Variants in MOSPD2 observed in about 807,000 individuals in gnomAD.
MOSPD2 encodes motile sperm domain containing 2.
A neutral mutation model predicts 41.7 loss-of-function variants in MOSPD2; 5 were observed. The ratio of observed to expected loss-of-function variants is 0.12; its 90% CI spans 0.06 to 0.25. The LOEUF (loss-of-function observed/expected upper bound fraction) is 0.25. Among genes scored for constraint, MOSPD2 ranks in the 10% least tolerant of loss-of-function variants. MOSPD2 has a pLI of 1.00. For missense variants in MOSPD2, 282 were observed against 375.2 expected (o/e 0.75, Z 2.05); for synonymous variants, 115 against 126.9 (o/e 0.91, Z 0.63).
intron 3 of MOSPD2, 73 bp downstream of exon 3, chrX:14,892,951 T>G (rs2092556662): frequency 1.3e-6 from 1 of 769,905 alleles, no homozygotes; most frequent in East Asian, 3.2e-5. Flanking sequence ...TATCTAATCA[T>G]GTATTTGCAC....
chrX:14,905,929 T>C (rs1282705361), intron 7 of MOSPD2, among the ~76,000 whole-genome samples: 2 of 111,756 alleles, frequency 1.8e-5, no homozygotes, highest in African/African-American at 6.5e-5. Flanking sequence ...ATATTTTCAA[T>C]TGTGGTTGGT....
At chrX:14,887,705 A>T (rs1367193154) in intron 2 of MOSPD2, among the ~76,000 whole-genome samples, 1 of 111,943 alleles carries the variant, frequency 8.9e-6, no homozygotes, top group East Asian at 2.8e-4. Context: ...TTTTTAAAAA[A>T]TTTTATTTTT....
intron 2 of MOSPD2, among the ~76,000 whole-genome samples, chrX:14,880,756 A>G (rs1488390788): frequency 8.9e-6 from 1 of 112,152 alleles, no homozygotes; most frequent in Non-Finnish European, 1.9e-5. Flanking sequence ...ATATTTGATG[A>G]CATTTTGATT....
rs139054557 is a variant in MOSPD2 at position 14,880,381 on chromosome X, A to G, written c.79+6623A>G. Among the ~76,000 whole-genome samples, 867 of 111,473 alleles carry G rather than the reference A, an allele frequency of 7.8e-3. 12 individuals carry two copies. The highest frequency in any genetic ancestry group is 0.026 in the African/African-American group (802 of 30,750). On this transcript the variant is annotated intron_variant, in intron 2 of 14. Transcript: ENST00000380492. Reference sequence around the variant, plus strand: ...GAATTTACTCTTATAAATTCTGATAATTTACCTGGGATTTTTTTATGTACA... The same window carrying G: ...GAATTTACTCTTATAAATTCTGATAGTTTACCTGGGATTTTTTTATGTACA...
At chrX:14,886,801 A>G (rs978849304) in intron 2 of MOSPD2, among the ~76,000 whole-genome samples, 1 of 111,452 alleles carries the variant, frequency 9.0e-6, no homozygotes, top group Non-Finnish European at 1.9e-5. Context: ...CAGTAATTTC[A>G]GTTTTAATAA....
In MOSPD2 at chrX:14,905,983, C is replaced by T. The variant is rs754802273; in HGVS notation, c.578-2877C>T. Among the ~76,000 whole-genome samples, 13 of 111,228 alleles carry T rather than the reference C, an allele frequency of 1.2e-4. No homozygotes were observed. The South Asian group carries it at 4.5e-3, about 39-fold the overall frequency. On this transcript the variant is annotated intron_variant, in intron 7 of 14. Coordinates refer to ENST00000380492, the MANE Select transcript of MOSPD2 (RefSeq NM_152581.4). Reference sequence around the variant, plus strand: ...TGTGAAACCTGTGGATATGGAGGGCCGACTGTATTGTTAAGAGGTCAACAC... The same window carrying T: ...TGTGAAACCTGTGGATATGGAGGGCTGACTGTATTGTTAAGAGGTCAACAC...
intron 2 of MOSPD2, among the ~76,000 whole-genome samples, chrX:14,883,612 A>G (rs181436788): frequency 2.7e-5 from 3 of 112,292 alleles, no homozygotes; most frequent in Non-Finnish European, 5.6e-5. Flanking sequence ...GATTTGCAGA[A>G]GCTTTTCTTT....
chrX:14,907,019 T>G (rs772095819), intron 7 of MOSPD2, among the ~76,000 whole-genome samples: 5 of 111,664 alleles, frequency 4.5e-5, no homozygotes, highest in Non-Finnish European at 7.5e-5. Flanking sequence ...AGTGAAACTC[T>G]GTCTCAAAAA....
Position 14,899,565 on chromosome X carries a change from TACACACACACACACAC to T in MOSPD2, c.478-984_478-969del, listed in dbSNP as rs59555716. 7.3e-4 allele frequency among the ~76,000 whole-genome samples: 59 copies of T among 81,051 alleles called. 2 individuals carry two copies. Among genetic ancestry groups the T allele is most frequent in the Admixed American group, 7.1e-3 (48 of 6,772 alleles). The allele number at this position is 81,051 out of a possible 115,157, so 70.4% of individuals were successfully genotyped here. A position where few individuals can be genotyped will look rare whatever the true frequency, so the allele number is the denominator to read the frequency against. On this transcript the variant is annotated intron_variant, in intron 5 of 14. Coordinates refer to ENST00000380492, the MANE Select transcript of MOSPD2 (RefSeq NM_152581.4). ...ATTTTATATATATATATTATATACA[TACACACACACACACAC>T]ACACACACACACACACACACACACA... is the stretch of plus-strand genomic sequence containing the variant.
chrX:14,906,498 T>G (rs1358058053), intron 7 of MOSPD2, among the ~76,000 whole-genome samples: 1 of 111,385 alleles, frequency 9.0e-6, no homozygotes, highest in East Asian at 2.8e-4. Flanking sequence ...AAACACAGGA[T>G]TAAATCCTTG....
At chrX:14,902,884 A>T (rs1478620269) in intron 6 of MOSPD2, 82 bp from the exon 7 acceptor site, 15 of 674,471 alleles carry the variant, frequency 2.2e-5, no homozygotes, top group Non-Finnish European at 3.5e-5. Flanking sequence ...AATTTAGATG[A>T]CCAGTTTTTT....
intron 6 of MOSPD2, among the ~76,000 whole-genome samples, chrX:14,901,981 T>TAC (rs1178164408): frequency 1.3e-4 from 14 of 109,607 alleles, no homozygotes; most frequent in African/African-American, 3.6e-4. Flanking sequence ...TATATATATA[T>TAC]ACACACACAC....
intron 5 of MOSPD2, 24 bp from the exon 6 acceptor site, chrX:14,900,551 T>G: frequency 1.0e-6 from 1 of 974,588 alleles, no homozygotes; most frequent in Non-Finnish European, 1.4e-6. Context: ...GTGGACAGTC[T>G]TAAAGATTTA....
chrX:14,920,013 C>G lies in MOSPD2; in HGVS notation c.*204C>G. The G allele has an allele frequency of 1.1e-6, 1 of 917,179 alleles. No individual in the cohort carries two copies. Among genetic ancestry groups the G allele is most frequent in the Non-Finnish European group, 1.4e-6 (1 of 737,957 alleles). The allele number at this position is 917,179 out of a possible 1,213,427, so 75.6% of individuals were successfully genotyped here. On this transcript the variant is annotated 3_prime_UTR_variant, in exon 15 of 15. Transcript: ENST00000380492. ...TGCTGGAGAAATTGATTATAAGAGACTATAGCTATTTAGTAAAGTAAGTAA... is the reference window on the plus strand; with the variant it reads ...TGCTGGAGAAATTGATTATAAGAGAGTATAGCTATTTAGTAAAGTAAGTAA...
Position 14,920,248 on chromosome X carries a change from A to G in MOSPD2, c.*439A>G. Reference sequence around the variant, plus strand: ...GCTGACTTACTAGCTTTTCTATACTATGTATATAGAAGAACATGTATATTG... The same window carrying G: ...GCTGACTTACTAGCTTTTCTATACTGTGTATATAGAAGAACATGTATATTG... On this transcript the variant is annotated 3_prime_UTR_variant, in exon 15 of 15. Transcript: ENST00000380492. 2.7e-6 allele frequency: 2 copies of G among 733,456 alleles called. No individual in the cohort carries two copies. The highest frequency in any genetic ancestry group is 3.2e-6 in the Non-Finnish European group (2 of 620,082). The allele number at this position is 733,456 out of a possible 1,213,427, so 60.4% of individuals were successfully genotyped here. A position where few individuals can be genotyped will look rare whatever the true frequency, so the allele number is the denominator to read the frequency against.
intron 2 of MOSPD2, among the ~76,000 whole-genome samples, chrX:14,891,156 A>G (rs964541831): frequency 4.5e-5 from 5 of 112,077 alleles, no homozygotes; most frequent in African/African-American, 1.3e-4. Context: ...GCTTAGTTCA[A>G]GTTCCATAAA....
intron 4 of MOSPD2, among the ~76,000 whole-genome samples, chrX:14,896,015 A>G (rs1483160733): frequency 9.0e-6 from 1 of 110,834 alleles, no homozygotes; most frequent in African/African-American, 3.3e-5. Context: ...CTCTTTTTGC[A>G]TTTTCCTCTT....
intron 7 of MOSPD2, among the ~76,000 whole-genome samples, chrX:14,907,234 T>A (rs1191133994): frequency 1.8e-5 from 2 of 111,909 alleles, no homozygotes; most frequent in East Asian, 2.8e-4. Flanking sequence ...TTGGCAAGGA[T>A]ATGGAGACAT....
chrX:14,891,456 C>T (rs1049493837), intron 2 of MOSPD2, among the ~76,000 whole-genome samples: 6 of 110,291 alleles, frequency 5.4e-5, no homozygotes, highest in Non-Finnish European at 9.5e-5. Flanking sequence ...TAGTAAATAC[C>T]GTAATATGGC....
Sources: allele counts gnomAD v4.1 joint callset (sites outside exome capture counted in the v4.1 genomes callset), GRCh38; gene constraint gnomAD v4.1.1; transcripts MANE v1.5; gene names NCBI Gene and HGNC (gene_info 2026-07-23, HGNC 2026-07-21).